The following LPAR1 variants were observed in gnomAD, a reference collection of about 807,000 sequenced individuals.
LPAR1 encodes LPA receptor 1.
In LPAR1, 5 loss-of-function variants were observed where a neutral mutation model predicts 23.8. That is an observed-to-expected ratio of 0.21 (90% confidence interval 0.11 to 0.44). The LOEUF is 0.44. LPAR1 is among the 20% of genes least tolerant of loss of function. The pLI is 0.99. For synonymous variants in LPAR1, 160 were observed against 164.7 expected, an observed-to-expected ratio of 0.97 and a Z score of 0.22; for missense variants, 311 against 482.8, an observed-to-expected ratio of 0.64 and a Z score of 3.33.
intron 5 of LPAR1, among the ~76,000 whole-genome samples, chr9:110,905,347 T>TTA (rs1412456013): frequency 8.0e-6 from 1 of 124,970 alleles, no homozygotes; most frequent in South Asian, 2.3e-4. Flanking sequence ...CTTTTTTTTA[T>TTA]TATTTTTTTT....
At chr9:111,038,614 A>G (rs780268554), upstream of LPAR1, 2 of 454,746 alleles carry the variant, frequency 4.4e-6, no homozygotes, top group Middle Eastern at 3.3e-4. This position sits in a 1 kb window ranked among gnomAD's most constrained non-coding sequence, Gnocchi z 4.4. Flanking sequence ...CCGAACCCCC[A>G]GAGTCCGCCC....
intron 2 of LPAR1, among the ~76,000 whole-genome samples, chr9:111,031,369 T>G (rs1451219223): frequency 7.2e-5 from 9 of 124,376 alleles, no homozygotes; most frequent in Non-Finnish European, 1.3e-4. Context: ...ACAGCCTGGG[T>G]AATGTAGTGA....
chr9:111,024,020 T>C (rs1267993376), intron 2 of LPAR1, among the ~76,000 whole-genome samples: 2 of 152,102 alleles, frequency 1.3e-5, no homozygotes, highest in Non-Finnish European at 2.9e-5. Context: ...GCACTAAAAA[T>C]ATACGAGGAA....
intron 5 of LPAR1, among the ~76,000 whole-genome samples, chr9:110,886,905 T>C (rs2082574689): frequency 6.6e-6 from 1 of 152,212 alleles, no homozygotes; most frequent in Admixed American, 6.5e-5. Context: ...ATTGCATGAC[T>C]GTGGTCCAAC....
intron 5 of LPAR1, among the ~76,000 whole-genome samples, chr9:110,906,932 G>GT (rs879736191): frequency 0.037 from 5,683 of 152,154 alleles, 172 homozygotes; most frequent in Non-Finnish European, 0.047. Context: ...ATCCTTTATT[G>GT]ATGCAAAAGG....
chr9:110,929,422 T>A (rs534146183), intron 5 of LPAR1, among the ~76,000 whole-genome samples: 114 of 152,248 alleles, frequency 7.5e-4, no homozygotes, highest in Non-Finnish European at 1.4e-3. Context: ...ACAAAGACTA[T>A]GTAACAGAAG....
intron 2 of LPAR1, among the ~76,000 whole-genome samples, chr9:110,988,364 C>T (rs1171664950): frequency 1.3e-5 from 2 of 151,794 alleles, no homozygotes; most frequent in African/African-American, 4.8e-5. Flanking sequence ...ATATAAGTAT[C>T]TGAAAAATAT....
intron 5 of LPAR1, among the ~76,000 whole-genome samples, chr9:110,895,708 G>A (rs1055535329): frequency 1.3e-5 from 2 of 152,138 alleles, no homozygotes; most frequent in East Asian, 3.9e-4. Flanking sequence ...TGGCCACCTC[G>A]GTAAGATTGG....
chr9:110,973,681 C>T (rs1271136419), intron 2 of LPAR1, 123 bp from the exon 3 acceptor site: 1 of 152,168 alleles, frequency 6.6e-6, no homozygotes, highest in Non-Finnish European at 1.5e-5. Flanking sequence ...CAGAAAGATG[C>T]TAACTTCCCT....
chr9:110,972,994 C>T (rs1288701416), intron 3 of LPAR1, among the ~76,000 whole-genome samples: 1 of 151,842 alleles, frequency 6.6e-6, no homozygotes, highest in Non-Finnish European at 1.5e-5. Flanking sequence ...TAGTACCCAA[C>T]CCTGTATATA....
At chr9:110,995,958 G>A (rs1473753147) in intron 2 of LPAR1, among the ~76,000 whole-genome samples, 1 of 152,108 alleles carries the variant, frequency 6.6e-6, no homozygotes, top group Non-Finnish European at 1.5e-5. Flanking sequence ...AAATGGAAGG[G>A]AAAAGGAGCC....
At chr9:110,944,370 T>C (rs992561538) in intron 4 of LPAR1, among the ~76,000 whole-genome samples, 36 of 152,218 alleles carry the variant, frequency 2.4e-4, no homozygotes, top group African/African-American at 7.7e-4. Context: ...TAAATACATA[T>C]TGATTTCCTT....
chr9:110,987,296 T>C (rs1315553489), intron 2 of LPAR1, among the ~76,000 whole-genome samples: 1 of 151,108 alleles, frequency 6.6e-6, no homozygotes, highest in Non-Finnish European at 1.5e-5. Context: ...TATTCAATTA[T>C]TATGTTTATT....
intron 2 of LPAR1, among the ~76,000 whole-genome samples, chr9:111,022,712 C>A (rs559427546): frequency 6.6e-6 from 1 of 152,182 alleles, no homozygotes; most frequent in African/African-American, 2.4e-5. Context: ...TCCTGCATAT[C>A]GAACACAACT....
chr9:110,977,281 G>T (rs1367819957), intron 2 of LPAR1, among the ~76,000 whole-genome samples: 1 of 152,134 alleles, frequency 6.6e-6, no homozygotes, highest in Non-Finnish European at 1.5e-5. Flanking sequence ...TGGCTTCAGA[G>T]GCCAGCCAAG....
At chr9:110,994,002 C>A (rs982139982) in intron 2 of LPAR1, among the ~76,000 whole-genome samples, 6 of 152,194 alleles carry the variant, frequency 3.9e-5, no homozygotes, top group African/African-American at 1.2e-4. Context: ...GACTCAAACA[C>A]TTCCCTAGAA....
chr9:110,929,283 G>A (rs951547517), intron 5 of LPAR1, among the ~76,000 whole-genome samples: 1 of 152,014 alleles, frequency 6.6e-6, no homozygotes, highest in African/African-American at 2.4e-5. Flanking sequence ...TGAACAGAAA[G>A]TAGCTTCTCA....
chr9:110,988,740 TATTAA>T (rs1003695547), intron 2 of LPAR1, among the ~76,000 whole-genome samples: 19 of 152,182 alleles, frequency 1.2e-4, no homozygotes, highest in African/African-American at 4.3e-4. Flanking sequence ...TTCCTCAAAA[TATTAA>T]ATAGCATTTT....
chr9:110,954,833 A>G (rs1564155278), intron 4 of LPAR1, among the ~76,000 whole-genome samples: 1 of 152,232 alleles, frequency 6.6e-6, no homozygotes, highest in Non-Finnish European at 1.5e-5. Flanking sequence ...CCACTAGACC[A>G]TACCTACAAG....
Sources: allele counts gnomAD v4.1 joint callset (sites outside exome capture counted in the v4.1 genomes callset), GRCh38; gene constraint gnomAD v4.1.1; non-coding constraint Gnocchi (gnomAD v3.1); transcripts MANE v1.5; gene names NCBI Gene and HGNC (gene_info 2026-07-23, HGNC 2026-07-21).